The following PSG6 variants were observed in gnomAD, a reference collection of about 807,000 sequenced individuals.
The protein encoded by PSG6 is pregnancy-specific beta-1-glycoprotein 6.
A neutral mutation model predicts 43.3 loss-of-function variants in PSG6; 51 were observed. The ratio of observed to expected loss-of-function variants is 1.18; its 90% CI spans 0.94 to 1.49. The LOEUF (loss-of-function observed/expected upper bound fraction) is 1.49, where lower values mean the gene tolerates loss of function less well. PSG6 is among the 40% of genes most tolerant of loss of function. The pLI is 0.00. For missense variants in PSG6, 770 were observed against 522.2 expected, an observed-to-expected ratio of 1.47 and a Z score of -4.62; for synonymous variants, 292 against 197.6, an observed-to-expected ratio of 1.48 and a Z score of -4.01.
intron 5 of PSG6, among the ~76,000 whole-genome samples, chr19:42,903,890 C>T (rs188342885): frequency 2.8e-4 from 42 of 151,436 alleles, no homozygotes; most frequent in African/African-American, 7.5e-4. Flanking sequence ...AGAGTGAGAG[C>T]CTGTCTCTCT....
rs1306720078 is a variant in PSG6 at position 42,916,035 on chromosome 19, C to G, written c.427+90G>C. 3.2e-6 allele frequency: 5 copies of G among 1,583,508 alleles called. 1 individual carries two copies. Among genetic ancestry groups the G allele is most frequent in the African/African-American group, 1.4e-5 (1 of 73,794 alleles). ...ATGGGACATAATGCAGAGAGTGACA[C>G]AGGCAGAGTCCAGGCCTGACAATTC... On this transcript the variant is annotated intron_variant, in intron 2 of 5. Transcript: ENST00000187910.
chr19:42,909,636 G>A (rs1473786245), intron 3 of PSG6: 1 of 151,458 alleles, frequency 6.6e-6, no homozygotes, highest in Non-Finnish European at 1.5e-5. Flanking sequence ...GACCTTTTTG[G>A]TTAAACTTAT....
chr19:42,906,656 G>A (rs1972117266), intron 5 of PSG6: 10 of 1,402,912 alleles, frequency 7.1e-6, no homozygotes, highest in Non-Finnish European at 8.5e-6. Context: ...CCTCTGTGAA[G>A]CCTCTTCTAC....
At chr19:42,912,303 CA>C (rs1030699099) in intron 2 of PSG6, among the ~76,000 whole-genome samples, 1 of 151,078 alleles carries the variant, frequency 6.6e-6, no homozygotes, top group African/African-American at 2.4e-5. Context: ...ACTCTAGTAA[CA>C]AAAAAAATTT....
chr19:42,907,835 G>C lies in PSG6; in HGVS notation c.726C>G (p.Tyr242Ter). The stretch of plus-strand genomic sequence containing the variant: ...TGGGGTTTAAGTTGTTGATGGTGAT[G>C]TAAGGCATGGGCAGCTTCGCTGTGT... ...LNLLPKLPMP[Y>*]ITINNLNPRE... Residue 242 changes from tyrosine to a stop codon, truncating the protein, a stop_gained, in exon 4 of 6, where the codon TAC (tyrosine) becomes TAG (stop). Transcript: ENST00000187910. LOFTEE classifies it high-confidence loss of function. 4 of 1,611,642 alleles carry C rather than the reference G, an allele frequency of 2.5e-6. No homozygotes were observed. Among genetic ancestry groups the C allele is most frequent in the Non-Finnish European group, 3.4e-6 (4 of 1,179,064 alleles).
At chr19:42,917,453 T>A (rs1263305873) in intron 1 of PSG6, among the ~76,000 whole-genome samples, 2 of 147,878 alleles carry the variant, frequency 1.4e-5, no homozygotes, top group Non-Finnish European at 3.0e-5. Flanking sequence ...AACTTCTGCC[T>A]CCTGGGTTCA....
chr19:42,913,153 T>C (rs1238234160), intron 2 of PSG6, among the ~76,000 whole-genome samples: 6 of 151,448 alleles, frequency 4.0e-5, no homozygotes, highest in African/African-American at 2.4e-5. Context: ...TCTTCATTTC[T>C]CTAACAGCAT....
At chr19:42,905,725 T>C (rs545258328) in intron 5 of PSG6, among the ~76,000 whole-genome samples, 3 of 151,834 alleles carry the variant, frequency 2.0e-5, no homozygotes, top group South Asian at 4.2e-4. Flanking sequence ...TACATTGAAA[T>C]GTTATTCAAC....
At position 42,910,752 on chromosome 19, in the gene PSG6, C is replaced by T. The variant is rs766620237; in HGVS notation, c.534G>A (p.Leu178=). The part of the protein sequence containing the change: ...CDPETPDASY[L]WLLNGQNLPM... ...GGAGGTTCTGACCATTCAGCAACCA[C>T]AGGTAGCTTGCATCCGGAGTCTCAG... is the stretch of plus-strand genomic sequence containing the variant. Residue 178 remains leucine (L), a synonymous_variant, in exon 3 of 6, where the codon CTG becomes CTA. Transcript: ENST00000187910. 3.0e-5 allele frequency: 48 copies of T among 1,612,270 alleles called. 1 individual carries two copies. The South Asian group carries it at 5.0e-4, about 17-fold the overall frequency.
At chr19:42,910,959 C>T (rs931547144) in intron 2 of PSG6, 101 bp from the exon 3 acceptor site, 6 of 1,517,384 alleles carry the variant, frequency 4.0e-6, no homozygotes, top group Non-Finnish European at 5.3e-6. Context: ...TCAGCCCACC[C>T]AAGTCCTTAA....
intron 2 of PSG6, among the ~76,000 whole-genome samples, chr19:42,914,038 T>C (rs1246396388): frequency 6.6e-6 from 1 of 151,704 alleles, no homozygotes; most frequent in Admixed American, 6.6e-5. Flanking sequence ...AATTTTATTT[T>C]ATTTTATATT....
intron 2 of PSG6, 102 bp from the exon 3 acceptor site, chr19:42,910,960 A>G (rs1047332077): frequency 2.1e-5 from 32 of 1,515,150 alleles, no homozygotes; most frequent in African/African-American, 1.1e-4. Context: ...CAGCCCACCC[A>G]AGTCCTTAAA....
rs1472984534 is a variant in PSG6, at chr19:42,902,237, A to T, written c.*175T>A. The stretch of plus-strand genomic sequence containing the variant: ...ACCAATTGCTGAAGAAAAAAAGTTC[A>T]TAAATCTGGAGAATAAAACATTCCA... On this transcript the variant is annotated 3_prime_UTR_variant, in exon 6 of 6. Transcript: ENST00000187910. 1.5e-5 allele frequency: 13 copies of T among 862,652 alleles called. No homozygotes were observed. 53.4% of individuals were successfully genotyped at this position (862,652 alleles called of 1,614,324 possible). A position where few individuals can be genotyped will look rare whatever the true frequency, so the allele number is the denominator to read the frequency against.
chr19:42,906,528 A>G lies in PSG6; in HGVS notation c.1240+394T>C, dbSNP rs1972115028. On this transcript the variant is annotated intron_variant, in intron 5 of 5. Coordinates refer to ENST00000187910, the MANE Select transcript of PSG6 (RefSeq NM_001031850.4). ...GGGGGAAAAGTGTGAGCTTGTTTCA[A>G]AGCCTCAGATGTTCCTTGTAGCTCA... is the stretch of plus-strand genomic sequence containing the variant. The G allele has an allele frequency of 3.2e-6, 4 of 1,263,216 alleles. 1 individual carries two copies. The highest frequency in any genetic ancestry group is 1.5e-5 in the African/African-American group (1 of 65,926). 78.3% of individuals were successfully genotyped at this position (1,263,216 alleles called of 1,614,324 possible).
At chr19:42,902,522 G>C (rs1972051347) in intron 5 of PSG6, 76 bp from the exon 6 acceptor site, 2 of 1,579,648 alleles carry the variant, frequency 1.3e-6, no homozygotes, top group Non-Finnish European at 1.7e-6. Context: ...TTTCCCACAG[G>C]CTCCCAGCAA....
At position 42,916,310 on chromosome 19, in the gene PSG6, G is replaced by T. The variant is rs1972329538; in HGVS notation, c.242C>A (p.Ser81Ter). ...QMTDLYHYIT[S>*]YVVHGQIIYG... is the part of the protein sequence containing the mutation. ...TATAATTTGACCGTGTACTACATAT[G>T]ATGTAATGTAATGGTAGAGGTCCGT... is the stretch of plus-strand genomic sequence containing the variant. The change falls in exon 2 of 6, where the codon TCA (serine) becomes TAA (stop). Residue 81 changes from serine (S) to a stop codon, truncating the protein, a stop_gained. Coordinates refer to ENST00000187910, the MANE Select transcript of PSG6 (RefSeq NM_001031850.4). LOFTEE classifies it high-confidence loss of function. 2 of 1,612,034 alleles carry T rather than the reference G, an allele frequency of 1.2e-6. No individual in the cohort carries two copies. The highest frequency in any genetic ancestry group is 1.7e-6 in the Non-Finnish European group (2 of 1,179,110).
intron 2 of PSG6, among the ~76,000 whole-genome samples, chr19:42,913,834 C>T (rs995829790): frequency 4.0e-5 from 6 of 151,448 alleles, no homozygotes; most frequent in African/African-American, 1.2e-4. Context: ...AGATCATTTC[C>T]CTCCGCCCGC....
chr19:42,908,335 G>T (rs181842138), intron 3 of PSG6, among the ~76,000 whole-genome samples: 2 of 151,750 alleles, frequency 1.3e-5, no homozygotes, highest in Admixed American at 6.6e-5. Flanking sequence ...TGCAGATACT[G>T]AGCAGCCTGG....
chr19:42,906,712 G>T (rs897542345), intron 5 of PSG6: 10 of 1,493,512 alleles, frequency 6.7e-6, no homozygotes, highest in African/African-American at 1.4e-5. Context: ...ACCTTTCTCA[G>T]GCCAGACACA....
Sources: gnomAD v4.1 joint callset for allele counts (sites outside exome capture counted in the v4.1 genomes callset) on GRCh38, gnomAD v4.1.1 for gene constraint, MANE v1.5 for transcripts, NCBI Gene and HGNC (gene_info 2026-07-23, HGNC 2026-07-21) for gene names.